Variants in NSUN6 observed in about 807,000 individuals in gnomAD.
The protein encoded by NSUN6 is NOP2/Sun RNA methyltransferase 6, also known as tRNA (cytosine(72)-C(5))-methyltransferase NSUN6.
NSUN6 carries 64 observed loss-of-function variants against 58.0 expected under a neutral mutation model. The ratio of observed to expected loss-of-function variants is 1.10; its 90% confidence interval spans 0.90 to 1.36. NSUN6 has a LOEUF of 1.36. Among genes scored for constraint, NSUN6 ranks in the 40% most tolerant of loss-of-function variants. The pLI is 0.00. For synonymous variants in NSUN6, 231 were observed against 193.9 expected (o/e 1.19, Z -1.59); for missense variants, 701 against 550.1 (o/e 1.27, Z -2.74).
At chr10:18,622,333 T>C (rs2058638841) in intron 3 of NSUN6, among the ~76,000 whole-genome samples, 1 of 152,192 alleles carries the variant, frequency 6.6e-6, no homozygotes, top group African/African-American at 2.4e-5. Flanking sequence ...AACCCAAGCA[T>C]ACTGGCACAC....
chr10:18,614,738 C>T, intron 4 of NSUN6, 125 bp from the exon 5 acceptor site: 1 of 399,080 alleles, frequency 2.5e-6, no homozygotes, highest in Non-Finnish European at 4.4e-6. Flanking sequence ...TTCAAACTTG[C>T]TCATTACCTC....
chr10:18,642,148 G>A (rs2059408061), intron 3 of NSUN6, among the ~76,000 whole-genome samples: 1 of 151,794 alleles, frequency 6.6e-6, no homozygotes, highest in East Asian at 2.0e-4. Flanking sequence ...TCAAAAAAGA[G>A]TTTTAATTTA....
At chr10:18,587,246 G>A (rs2057192284) in intron 7 of NSUN6, among the ~76,000 whole-genome samples, 1 of 152,176 alleles carries the variant, frequency 6.6e-6, no homozygotes, top group Non-Finnish European at 1.5e-5. Flanking sequence ...AATGCTATTA[G>A]ACGGCGGCCT....
chr10:18,549,719 A>G (rs1038705882), intron 9 of NSUN6, among the ~76,000 whole-genome samples: 2 of 152,186 alleles, frequency 1.3e-5, no homozygotes, highest in Admixed American at 6.5e-5. Context: ...TGAAATACCT[A>G]AAGTTCAGCT....
intron 7 of NSUN6, among the ~76,000 whole-genome samples, chr10:18,590,641 T>C (rs1242673942): frequency 6.6e-6 from 1 of 152,212 alleles, no homozygotes; most frequent in Non-Finnish European, 1.5e-5. Flanking sequence ...TTGAACAACT[T>C]GCTCCTGAAT....
chr10:18,582,305 G>C (rs1449418524), intron 8 of NSUN6, among the ~76,000 whole-genome samples: 2 of 152,156 alleles, frequency 1.3e-5, no homozygotes, highest in Admixed American at 6.5e-5. Context: ...CGGTTGTGGA[G>C]GCTCTCTCCT....
intron 3 of NSUN6, among the ~76,000 whole-genome samples, chr10:18,633,646 A>G (rs536324046): frequency 1.3e-5 from 2 of 152,124 alleles, no homozygotes; most frequent in African/African-American, 2.4e-5. Context: ...TGAAAAAAAA[A>G]TCAGAATCTA....
intron 8 of NSUN6, among the ~76,000 whole-genome samples, chr10:18,584,521 A>C (rs754395171): frequency 8.5e-5 from 13 of 152,198 alleles, no homozygotes; most frequent in Non-Finnish European, 1.8e-4. Flanking sequence ...AATGACCACA[A>C]ACTTCAGAGA....
At chr10:18,607,995 G>T (rs2058101702) in intron 6 of NSUN6, among the ~76,000 whole-genome samples, 1 of 152,194 alleles carries the variant, frequency 6.6e-6, no homozygotes, top group East Asian at 1.9e-4. Context: ...AGTGTTAGCT[G>T]TGATTACCAT....
At chr10:18,633,278 G>T (rs1399068096) in intron 3 of NSUN6, among the ~76,000 whole-genome samples, 1 of 145,668 alleles carries the variant, frequency 6.9e-6, no homozygotes. Flanking sequence ...AGCGGGGAGG[G>T]GGGAGGGATA....
chr10:18,561,289 A>G (rs1336381379), intron 8 of NSUN6, among the ~76,000 whole-genome samples: 4 of 78,030 alleles, frequency 5.1e-5, no homozygotes, highest in African/African-American at 1.3e-4. Flanking sequence ...ATGGTATGGA[A>G]AATGGAATGG....
chr10:18,550,257 TAA>T (rs1043426059), intron 9 of NSUN6, among the ~76,000 whole-genome samples: 7 of 152,226 alleles, frequency 4.6e-5, no homozygotes, highest in African/African-American at 9.7e-5. Context: ...CGGCTGTAAC[TAA>T]AGTTTCCTTT....
intron 3 of NSUN6, among the ~76,000 whole-genome samples, chr10:18,630,576 A>G (rs1046744309): frequency 6.6e-6 from 1 of 152,238 alleles, no homozygotes; most frequent in African/African-American, 2.4e-5. Flanking sequence ...AGGGGATATC[A>G]CCACCAATCC....
At chr10:18,652,569 CTTT>C (rs532727978), upstream of NSUN6, 2,770 of 881,604 alleles carry the variant, frequency 3.1e-3, no homozygotes, top group Middle Eastern at 3.4e-3. Context: ...TTTCTCTGCT[CTTT>C]TTTTTTTTTT....
upstream of NSUN6, chr10:18,652,191 T>G (rs1477105121): frequency 2.0e-6 from 2 of 985,194 alleles, no homozygotes; most frequent in Non-Finnish European, 2.4e-6. Context: ...GACATATTCT[T>G]TAGAGTTTGG....
chr10:18,573,428 TTCCATTCCATTC>T (rs1346239323), intron 8 of NSUN6, among the ~76,000 whole-genome samples: 3 of 151,762 alleles, frequency 2.0e-5, no homozygotes, highest in South Asian at 4.2e-4. Flanking sequence ...CCATTTTCCT[TTCCATTCCATTC>T]TCCATTCCAT....
Position 18,614,563 on chromosome 10 carries a change from AT to A in NSUN6, c.471del (p.Lys157AsnfsTer23). ...TCAAATTCTTTGGCTCCTTTCTTAC[AT>A]TTTCCTTTAATATCAGAGTATACAG... Reference protein sequence around the residue: ...VISVYSDIKGKCKKGAKEFDG... With the variant: ...VISVYSDIKGXCKKGAKEFDG... On this transcript the variant is annotated frameshift_variant, in exon 5 of 11. Transcript: ENST00000377304. LOFTEE classifies it high-confidence loss of function. 6.6e-7 allele frequency: 1 copy of A among 1,522,208 alleles called. No homozygotes were observed. Among genetic ancestry groups the A allele is most frequent in the Non-Finnish European group, 8.9e-7 (1 of 1,123,470 alleles). The allele number at this position is 1,522,208 out of a possible 1,614,324, so 94.3% of individuals were successfully genotyped here. A position where few individuals can be genotyped will look rare whatever the true frequency, so the allele number is the denominator to read the frequency against.
chr10:18,600,961 C>CACACATAT (rs1440184919), intron 6 of NSUN6, among the ~76,000 whole-genome samples: 2 of 47,800 alleles, frequency 4.2e-5, no homozygotes, highest in Non-Finnish European at 8.2e-5. Flanking sequence ...TATATATATA[C>CACACATAT]ATATATATAT....
At chr10:18,629,954 T>G (rs1450504447) in intron 3 of NSUN6, among the ~76,000 whole-genome samples, 16 of 150,394 alleles carry the variant, frequency 1.1e-4, no homozygotes, top group East Asian at 9.8e-4. Context: ...AATATACATT[T>G]TTTTCAGCAC....
Sources: allele counts gnomAD v4.1 joint callset (sites outside exome capture counted in the v4.1 genomes callset), GRCh38; gene constraint gnomAD v4.1.1; transcripts MANE v1.5; gene names NCBI Gene and HGNC (gene_info 2026-07-23, HGNC 2026-07-21).